Variants in KMO observed in about 807,000 individuals in gnomAD.
The protein encoded by KMO is kynurenine 3-monooxygenase, also known as kynurenine 3-hydroxylase.
In KMO, 24 loss-of-function variants were observed where a neutral mutation model predicts 57.8. That is an observed-to-expected ratio of 0.42 (90% CI 0.30 to 0.58). The LOEUF (loss-of-function observed/expected upper bound fraction) is 0.58. KMO is among the 20% of genes least tolerant of loss of function. The pLI is 0.22. For synonymous variants in KMO, 210 were observed against 193.6 expected (o/e 1.08, Z -0.70); for missense variants, 483 against 588.2 (o/e 0.82, Z 1.85).
chr1:241,551,127 C>A, intron 4 of KMO, 83 bp downstream of exon 4: 2 of 749,036 alleles, frequency 2.7e-6, no homozygotes, highest in South Asian at 1.7e-5. Flanking sequence ...TGGCCCCTCT[C>A]TCTCCAGCCC....
chr1:241,553,212 T>C (rs1223826869), intron 4 of KMO, among the ~76,000 whole-genome samples: 3 of 152,182 alleles, frequency 2.0e-5, no homozygotes, highest in Admixed American at 2.0e-4. Context: ...TCTTGTAGAA[T>C]TAAATATTGG....
chr1:241,533,820 A>C (rs548857928), intron 1 of KMO, among the ~76,000 whole-genome samples: 1 of 152,320 alleles, frequency 6.6e-6, no homozygotes, highest in African/African-American at 2.4e-5. Flanking sequence ...ACCTGTTTAG[A>C]ATGTGGTCAG....
At chr1:241,572,656 T>A (rs1317693121) in intron 10 of KMO, among the ~76,000 whole-genome samples, 2 of 152,110 alleles carry the variant, frequency 1.3e-5, no homozygotes, top group Non-Finnish European at 2.9e-5. Context: ...ATATATTTTA[T>A]TTCAATAGCT....
rs1660611122 is a variant in KMO, at chr1:241,532,437, C to T, written c.-8C>T. Reference sequence around the variant, plus strand: ...GCAACAATAATTGTGAAAAATACTTCAGCAGTTATGGACTCATCTGTCATT... The same window carrying T: ...GCAACAATAATTGTGAAAAATACTTTAGCAGTTATGGACTCATCTGTCATT... On this transcript the variant is annotated 5_prime_UTR_variant, in exon 1 of 15. Transcript: ENST00000366559. The T allele has an allele frequency of 6.2e-7, 1 of 1,612,180 alleles. No homozygotes were observed. Among genetic ancestry groups the T allele is most frequent in the Non-Finnish European group, 8.5e-7 (1 of 1,179,352 alleles).
intron 10 of KMO, among the ~76,000 whole-genome samples, chr1:241,573,062 T>C (rs1352384229): frequency 1.3e-5 from 2 of 152,196 alleles, no homozygotes; most frequent in Non-Finnish European, 2.9e-5. Flanking sequence ...GTTGGTTCCA[T>C]ATCTTTACAA....
chr1:241,532,627 C>A, intron 1 of KMO, 129 bp downstream of exon 1: 1 of 639,558 alleles, frequency 1.6e-6, no homozygotes, highest in Non-Finnish European at 2.7e-6. Context: ...TTAAATACAG[C>A]TATTTTGTTT....
At chr1:241,579,280 T>G (rs1662661733) in intron 10 of KMO, among the ~76,000 whole-genome samples, 2 of 152,168 alleles carry the variant, frequency 1.3e-5, no homozygotes, top group Non-Finnish European at 2.9e-5. Flanking sequence ...TTATGTTACC[T>G]AGGGGAGGTA....
intron 4 of KMO, among the ~76,000 whole-genome samples, chr1:241,553,111 CT>C (rs895876345): frequency 6.6e-6 from 1 of 152,134 alleles, no homozygotes; most frequent in Non-Finnish European, 1.5e-5. Flanking sequence ...TATATCTAAC[CT>C]TTTTTAGGTT....
At chr1:241,570,528 G>A (rs187794145) in intron 10 of KMO, among the ~76,000 whole-genome samples, 28 of 152,156 alleles carry the variant, frequency 1.8e-4, no homozygotes, top group Non-Finnish European at 2.4e-4. Context: ...ATTTATTGAA[G>A]AGACTGTCTT....
At chr1:241,580,749 A>G (rs1177286629) in intron 10 of KMO, among the ~76,000 whole-genome samples, 3 of 151,786 alleles carry the variant, frequency 2.0e-5, no homozygotes, top group Non-Finnish European at 2.9e-5. Flanking sequence ...ATTTTTTGAG[A>G]TTTTTTTTGT....
chr1:241,552,359 A>G (rs750827891), intron 4 of KMO, among the ~76,000 whole-genome samples: 1 of 152,182 alleles, frequency 6.6e-6, no homozygotes, highest in Non-Finnish European at 1.5e-5. Flanking sequence ...TAGGGGCCCC[A>G]CATACTTCAG....
chr1:241,583,129 T>C (rs934534321), intron 10 of KMO, among the ~76,000 whole-genome samples: 7 of 152,328 alleles, frequency 4.6e-5, no homozygotes, highest in Non-Finnish European at 8.8e-5. Flanking sequence ...TCTTCTCTTT[T>C]GTTCCTTGAA....
chr1:241,534,415 T>C (rs115493951), intron 1 of KMO, among the ~76,000 whole-genome samples: 3 of 152,334 alleles, frequency 2.0e-5, no homozygotes, highest in African/African-American at 7.2e-5. Context: ...TGTCATCATG[T>C]AACCACGTCA....
At chr1:241,564,886 C>T in intron 7 of KMO, 101 bp from the exon 8 acceptor site, 1 of 695,232 alleles carries the variant, frequency 1.4e-6, no homozygotes, top group South Asian at 1.8e-5. Flanking sequence ...CGTGTAGATG[C>T]TACTGGTTTT....
intron 1 of KMO, among the ~76,000 whole-genome samples, chr1:241,538,857 T>G (rs898519154): frequency 6.6e-6 from 1 of 152,198 alleles, no homozygotes; most frequent in African/African-American, 2.4e-5. Flanking sequence ...CTCCAGACTT[T>G]GTTAAGTGCC....
chr1:241,533,945 A>C (rs1419614213), intron 1 of KMO, among the ~76,000 whole-genome samples: 1 of 152,236 alleles, frequency 6.6e-6, no homozygotes, highest in Non-Finnish European at 1.5e-5. Context: ...GCAGGAAGAG[A>C]AACCCTCAGG....
intron 6 of KMO, 70 bp downstream of exon 6, chr1:241,560,822 G>T (rs1661809296): frequency 1.0e-6 from 1 of 972,550 alleles, no homozygotes; most frequent in South Asian, 1.3e-5. Flanking sequence ...TGCAAACTTT[G>T]TTCTTTGGCT....
At chr1:241,569,161 G>A (rs563892232) in intron 10 of KMO, among the ~76,000 whole-genome samples, 1 of 151,758 alleles carries the variant, frequency 6.6e-6, no homozygotes, top group Non-Finnish European at 1.5e-5. Context: ...TCATTTCTTT[G>A]TATTAGAAAC....
chr1:241,589,317 A>G (rs1663152053), intron 12 of KMO, among the ~76,000 whole-genome samples: 1 of 152,238 alleles, frequency 6.6e-6, no homozygotes, highest in Non-Finnish European at 1.5e-5. Flanking sequence ...ACTTTGAAAA[A>G]AAAACATATT....
Sources: gnomAD v4.1 joint callset for allele counts (sites outside exome capture counted in the v4.1 genomes callset) on GRCh38, gnomAD v4.1.1 for gene constraint, MANE v1.5 for transcripts, NCBI Gene and HGNC (gene_info 2026-07-23, HGNC 2026-07-21) for gene names.